Variants in AGBL4 observed in about 807,000 individuals in gnomAD.
AGBL4 encodes the protein AGBL carboxypeptidase 4, also known as cytosolic carboxypeptidase 6.
In AGBL4, 58 loss-of-function variants were observed where a neutral mutation model predicts 66.4. The ratio of observed to expected loss-of-function variants is 0.87; its 90% CI spans 0.71 to 1.09. The LOEUF (loss-of-function observed/expected upper bound fraction) is 1.09. Among genes scored for constraint, AGBL4 ranks in the 50% least tolerant of loss-of-function variants. The pLI is 0.00. For missense variants in AGBL4, 579 were observed against 631.0 expected (o/e 0.92, Z 0.88); for synonymous variants, 234 against 222.9 (o/e 1.05, Z -0.44).
chr1:49,689,353 G>C (rs981207205), intron 3 of AGBL4, among the ~76,000 whole-genome samples: 5 of 152,186 alleles, frequency 3.3e-5, no homozygotes, highest in African/African-American at 1.2e-4. Flanking sequence ...GTATATTCTT[G>C]GCACTTTTGT....
At chr1:49,536,985 C>T (rs900064365) in intron 3 of AGBL4, among the ~76,000 whole-genome samples, 7 of 150,156 alleles carry the variant, frequency 4.7e-5, no homozygotes, top group South Asian at 4.2e-4. Flanking sequence ...CCAGCCTGGG[C>T]GACAAAGCAA....
chr1:49,734,813 A>C (rs1210151368), intron 2 of AGBL4, among the ~76,000 whole-genome samples: 1 of 122,580 alleles, frequency 8.2e-6, no homozygotes, highest in Non-Finnish European at 2.0e-5. Context: ...AAATAGCAAA[A>C]AATTTTAAAA....
chr1:48,869,639 C>T (rs547803351), intron 5 of AGBL4, among the ~76,000 whole-genome samples: 1 of 152,244 alleles, frequency 6.6e-6, no homozygotes, highest in South Asian at 2.1e-4. Flanking sequence ...TCAAACTTGG[C>T]AACTCTAAAA....
chr1:48,632,150 G>A (rs182551365), intron 9 of AGBL4, among the ~76,000 whole-genome samples: 2 of 152,210 alleles, frequency 1.3e-5, no homozygotes, highest in East Asian at 1.9e-4. Context: ...CTGAGGGAGC[G>A]GGGATGCTAT....
chr1:49,327,667 T>C (rs147062878), intron 3 of AGBL4, among the ~76,000 whole-genome samples: 1 of 152,360 alleles, frequency 6.6e-6, no homozygotes, highest in Non-Finnish European at 1.5e-5. Flanking sequence ...AGCTGTCTTA[T>C]AGAGGTGCTA....
chr1:49,062,259 G>T (rs755884684), intron 4 of AGBL4, among the ~76,000 whole-genome samples: 6 of 152,148 alleles, frequency 3.9e-5, no homozygotes, highest in Non-Finnish European at 8.8e-5. Context: ...TAGGTCAAGA[G>T]TTACTTATCT....
intron 6 of AGBL4, among the ~76,000 whole-genome samples, chr1:48,827,925 C>A (rs886893122): frequency 2.0e-5 from 3 of 150,642 alleles, no homozygotes; most frequent in African/African-American, 7.3e-5. Flanking sequence ...GAGGCCGAGG[C>A]GGGCAGATCA....
intron 4 of AGBL4, among the ~76,000 whole-genome samples, chr1:49,112,945 T>C (rs1159427376): frequency 3.3e-5 from 5 of 151,902 alleles, no homozygotes; most frequent in African/African-American, 4.8e-5. Context: ...TCACAAATCT[T>C]CTTTTTAATT....
intron 1 of AGBL4, among the ~76,000 whole-genome samples, chr1:49,989,676 T>C (rs1345588440): frequency 6.6e-6 from 1 of 152,214 alleles, no homozygotes; most frequent in East Asian, 1.9e-4. Context: ...ATCAAGTTGT[T>C]GTTTGACTGA....
At chr1:50,021,987 C>T (rs1662477692) in intron 1 of AGBL4, among the ~76,000 whole-genome samples, 1 of 152,144 alleles carries the variant, frequency 6.6e-6, no homozygotes, top group Admixed American at 6.5e-5. Flanking sequence ...TCAAACACAG[C>T]ATAACATGTT....
At chr1:49,570,173 G>T (rs567745796) in intron 3 of AGBL4, among the ~76,000 whole-genome samples, 1 of 152,106 alleles carries the variant, frequency 6.6e-6, no homozygotes, top group Non-Finnish European at 1.5e-5. Context: ...TCCCATGGAG[G>T]TTATACTAAT....
chr1:48,843,091 C>A lies in AGBL4; in HGVS notation c.634+24100G>T, dbSNP rs137956464. On this transcript the variant is annotated intron_variant, in intron 6 of 13. Transcript: ENST00000371839. ...GATTTTGCAAGGTGAAAAATTCTGACGATCTGTTTAGTAGTGTTAAGTAAT... is the reference window on the plus strand; with the variant it reads ...GATTTTGCAAGGTGAAAAATTCTGAAGATCTGTTTAGTAGTGTTAAGTAAT... 3.1e-3 allele frequency among the ~76,000 whole-genome samples: 472 copies of A among 152,048 alleles called. 3 individuals are homozygous for A. The highest frequency in any genetic ancestry group is 0.01 in the African/African-American group (420 of 41,492).
intron 3 of AGBL4, among the ~76,000 whole-genome samples, chr1:49,267,683 A>G (rs559244762): frequency 4.6e-5 from 7 of 152,088 alleles, no homozygotes; most frequent in Non-Finnish European, 8.8e-5. Flanking sequence ...CTGTCCCAAA[A>G]AAAAAAGACA....
At chr1:49,970,625 G>A (rs557055433) in intron 1 of AGBL4, among the ~76,000 whole-genome samples, 15 of 151,692 alleles carry the variant, frequency 9.9e-5, no homozygotes, top group Admixed American at 1.3e-4. Flanking sequence ...GAACCAAGGA[G>A]GTGGAGGTTG....
chr1:48,743,178 CGT>C (rs957159327), intron 6 of AGBL4, among the ~76,000 whole-genome samples: 9 of 152,192 alleles, frequency 5.9e-5, no homozygotes, highest in Admixed American at 5.9e-4. Context: ...TGGAGAAGGC[CGT>C]AACAGAAGAA....
chr1:49,658,825 A>G (rs1226957948), intron 3 of AGBL4, among the ~76,000 whole-genome samples: 1 of 146,546 alleles, frequency 6.8e-6, no homozygotes, highest in African/African-American at 2.5e-5. Context: ...ACTTGGACAC[A>G]GGAAGGGGAA....
intron 3 of AGBL4, among the ~76,000 whole-genome samples, chr1:49,546,377 T>C (rs1224969224): frequency 4.0e-5 from 6 of 151,518 alleles, no homozygotes; most frequent in African/African-American, 7.3e-5. Flanking sequence ...ATTATATATA[T>C]ACATATATAC....
At chr1:48,554,984 T>G (rs1644300292) in intron 11 of AGBL4, among the ~76,000 whole-genome samples, 1 of 152,198 alleles carries the variant, frequency 6.6e-6, no homozygotes, top group Admixed American at 6.5e-5. Context: ...CCAGACGCTA[T>G]GGGTTTGGAG....
chr1:48,672,615 C>T (rs429857), intron 6 of AGBL4, among the ~76,000 whole-genome samples: 93,301 of 152,024 alleles, frequency 0.61, 29,080 homozygotes, highest in African/African-American at 0.7. Flanking sequence ...CTTAACTTGC[C>T]ATGCAGTTCC....
Sources: allele counts gnomAD v4.1 joint callset (sites outside exome capture counted in the v4.1 genomes callset), GRCh38; gene constraint gnomAD v4.1.1; transcripts MANE v1.5; gene names NCBI Gene and HGNC (gene_info 2026-07-23, HGNC 2026-07-21).